The following DAPP1 variants were observed in gnomAD, a reference collection of about 807,000 sequenced individuals.
The protein encoded by DAPP1 is dual adaptor of phosphotyrosine and 3-phosphoinositides 1, also known as dual adapter for phosphotyrosine and 3-phosphotyrosine and 3-phosphoinositide.
DAPP1 carries 20 observed loss-of-function variants against 41.5 expected under a neutral mutation model. The ratio of observed to expected loss-of-function variants is 0.48; its 90% CI spans 0.34 to 0.70. DAPP1 has a LOEUF of 0.70. Ranked by LOEUF, DAPP1 falls within the 30% of genes least tolerant of loss-of-function variation. The probability of loss-of-function intolerance (pLI) is 0.01; values close to 1 mark genes in which losing one functional copy is unlikely to be tolerated. For missense variants in DAPP1, 233 were observed against 333.4 expected (o/e 0.70, Z 2.35); for synonymous variants, 113 against 116.2 (o/e 0.97, Z 0.18).
At chr4:99,837,194 T>A (rs1228734249) in intron 2 of DAPP1, among the ~76,000 whole-genome samples, 3 of 152,254 alleles carry the variant, frequency 2.0e-5, no homozygotes, top group African/African-American at 7.2e-5. Context: ...ATAATGTCCA[T>A]ATCTTAACAT....
chr4:99,864,664 C>T (rs1041340028), intron 7 of DAPP1, among the ~76,000 whole-genome samples: 13 of 152,120 alleles, frequency 8.5e-5, no homozygotes, highest in Non-Finnish European at 1.5e-4. Context: ...ATCCAAAAAT[C>T]AGGAGGCAAG....
rs529750694 is a variant in DAPP1 at position 99,818,566 on chromosome 4, A to G, written c.101+1552A>G. Among the ~76,000 whole-genome samples, 52 of 152,208 alleles carry G rather than the reference A, an allele frequency of 3.4e-4. 1 individual carries two copies. In the South Asian group the frequency reaches 0.011, roughly 31 times the overall value. ...GAATTAGATGCTGTCTCTGTGCCCC[A>G]CCATGATGTCAACAGCAAGAAGCAA... On this transcript the variant is annotated intron_variant, in intron 1 of 8. Coordinates refer to ENST00000512369, the MANE Select transcript of DAPP1 (RefSeq NM_014395.3).
intron 1 of DAPP1, among the ~76,000 whole-genome samples, 170 bp from the exon 2 acceptor site, chr4:99,835,453 T>G (rs1306956130): frequency 6.6e-6 from 1 of 152,184 alleles, no homozygotes; most frequent in East Asian, 1.9e-4. Flanking sequence ...TGTGCTCTCC[T>G]TTCAGCCCCA....
intron 3 of DAPP1, among the ~76,000 whole-genome samples, chr4:99,852,016 C>A (rs1375712539): frequency 6.6e-6 from 1 of 152,256 alleles, no homozygotes; most frequent in Admixed American, 6.5e-5. Flanking sequence ...TAAAATATCA[C>A]CCTCTCCCAA....
At chr4:99,866,441 TCTGACAGAGGAAAG>T in intron 8 of DAPP1, 1 of 708,788 alleles carries the variant, frequency 1.4e-6, no homozygotes, top group Non-Finnish European at 2.6e-6. Flanking sequence ...AACCAGAAGG[TCTGACAGAGGAAAG>T]CTGACATACT....
At position 99,820,024 on chromosome 4, in the gene DAPP1, T is replaced by G. The variant is rs368934321; in HGVS notation, c.101+3010T>G. On this transcript the variant is annotated intron_variant, in intron 1 of 8. Transcript: ENST00000512369. Reference sequence around the variant, plus strand: ...TGTCAGCCTAAAATCATTAATTTTCTTTCATCTAAAATACATTAATGTGTC... The same window carrying G: ...TGTCAGCCTAAAATCATTAATTTTCGTTCATCTAAAATACATTAATGTGTC... 2.0e-5 allele frequency among the ~76,000 whole-genome samples: 3 copies of G among 152,226 alleles called. No homozygotes were observed. The East Asian group carries it at 5.8e-4, about 29-fold the overall frequency.
intron 1 of DAPP1, among the ~76,000 whole-genome samples, chr4:99,832,763 G>T (rs1344022004): frequency 6.6e-6 from 1 of 152,170 alleles, no homozygotes; most frequent in East Asian, 1.9e-4. Flanking sequence ...GACGTCAAAA[G>T]AATTCTATAA....
At chr4:99,863,177 A>G in intron 6 of DAPP1, 105 bp downstream of exon 6, 1 of 671,516 alleles carries the variant, frequency 1.5e-6, no homozygotes, top group Non-Finnish European at 2.5e-6. Context: ...CACCTGAAAT[A>G]CCTAATAAAT....
chr4:99,847,326 CTTTCT>C (rs1723699161), intron 3 of DAPP1, among the ~76,000 whole-genome samples: 3 of 152,170 alleles, frequency 2.0e-5, no homozygotes, highest in African/African-American at 7.2e-5. Context: ...TTCTTACTCT[CTTTCT>C]GAGTTCCTGC....
intron 1 of DAPP1, among the ~76,000 whole-genome samples, chr4:99,825,278 G>T (rs1722901546): frequency 1.3e-5 from 2 of 152,096 alleles, no homozygotes; most frequent in Admixed American, 1.3e-4. Flanking sequence ...GTGCCACTCT[G>T]TCTCTGAATC....
chr4:99,851,508 A>G (rs1203391034), intron 3 of DAPP1, among the ~76,000 whole-genome samples: 1 of 146,054 alleles, frequency 6.8e-6, no homozygotes, highest in Non-Finnish European at 1.5e-5. Context: ...GTATTCAAGT[A>G]TCATAGACAG....
chr4:99,856,625 C>T (rs1022086873), intron 4 of DAPP1, among the ~76,000 whole-genome samples: 1 of 152,172 alleles, frequency 6.6e-6, no homozygotes, highest in African/African-American at 2.4e-5. Context: ...TGCGGCACTA[C>T]TATCATGCGT....
Position 99,852,316 on chromosome 4 carries a change from A to G in DAPP1, c.359-902A>G, listed in dbSNP as rs202237558. Among the ~76,000 whole-genome samples the G allele has an allele frequency of 5.3e-5, 8 of 152,210 alleles. No individual in the cohort carries two copies. In the East Asian group the frequency reaches 1.5e-3, roughly 29 times the overall value. Reference sequence around the variant, plus strand: ...TTGCTATAGAAAAGACCCTAGTAAAATTAAAAGCAAGAAACCATAGCAAGA... The same window carrying G: ...TTGCTATAGAAAAGACCCTAGTAAAGTTAAAAGCAAGAAACCATAGCAAGA... On this transcript the variant is annotated intron_variant, in intron 3 of 8. Coordinates refer to ENST00000512369, the MANE Select transcript of DAPP1 (RefSeq NM_014395.3).
chr4:99,851,534 GTTTTTTTTT>G (rs537614787), intron 3 of DAPP1, among the ~76,000 whole-genome samples: 2 of 77,790 alleles, frequency 2.6e-5, no homozygotes, highest in South Asian at 4.8e-4. Flanking sequence ...GTTTTGTGTA[GTTTTTTTTT>G]TTTTTTTTTT....
intron 1 of DAPP1, among the ~76,000 whole-genome samples, chr4:99,831,649 C>T (rs906953497): frequency 2.0e-5 from 3 of 152,164 alleles, no homozygotes; most frequent in African/African-American, 4.8e-5. Context: ...AGAGGAATCG[C>T]TGGTCATATG....
At chr4:99,851,669 T>C (rs1019212192) in intron 3 of DAPP1, among the ~76,000 whole-genome samples, 34 of 150,824 alleles carry the variant, frequency 2.3e-4, no homozygotes, top group Admixed American at 8.6e-4. Context: ...GCCTCCCGAG[T>C]AGCTGAGACT....
intron 3 of DAPP1, chr4:99,844,235 C>T (rs1342688209): frequency 6.6e-6 from 1 of 152,200 alleles, no homozygotes; most frequent in Non-Finnish European, 1.5e-5. Context: ...ATTCTATGTT[C>T]CTCACAGGAA....
chr4:99,819,502 CA>C (rs1722696404), intron 1 of DAPP1, among the ~76,000 whole-genome samples: 1 of 152,184 alleles, frequency 6.6e-6, no homozygotes, highest in Admixed American at 6.5e-5. Flanking sequence ...GAACTCTTGA[CA>C]ATGACTTGTT....
chr4:99,856,169 A>T (rs1724037903), intron 4 of DAPP1, among the ~76,000 whole-genome samples: 1 of 152,174 alleles, frequency 6.6e-6, no homozygotes, highest in African/African-American at 2.4e-5. Context: ...TAATTTTGAC[A>T]AAGGTCCTCC....
Sources: gnomAD v4.1 joint callset for allele counts (sites outside exome capture counted in the v4.1 genomes callset) on GRCh38, gnomAD v4.1.1 for gene constraint, MANE v1.5 for transcripts, NCBI Gene and HGNC (gene_info 2026-07-23, HGNC 2026-07-21) for gene names.